CNTN5: variants seen among roughly 807,000 people sequenced by gnomAD.
CNTN5 encodes contactin 5, also known as contactin-5.
CNTN5 carries 77 observed loss-of-function variants against 129.1 expected under a neutral mutation model. The ratio of observed to expected loss-of-function variants is 0.60; its 90% CI spans 0.50 to 0.72. CNTN5 has a LOEUF of 0.72. Among genes scored for constraint, CNTN5 ranks in the 30% least tolerant of loss-of-function variants. CNTN5 has a pLI of 0.00. For missense variants in CNTN5, 1,478 were observed against 1,328.8 expected (o/e 1.11, Z -1.75); for synonymous variants, 509 against 465.6 (o/e 1.09, Z -1.20).
At chr11:99,580,265 C>G (rs1472011909) in intron 3 of CNTN5, among the ~76,000 whole-genome samples, 1 of 152,140 alleles carries the variant, frequency 6.6e-6, no homozygotes, top group African/African-American at 2.4e-5. Context: ...CATCAATGTT[C>G]ATCAAAGATA....
At chr11:99,642,435 C>CT (rs369708542) in intron 3 of CNTN5, among the ~76,000 whole-genome samples, 5 of 152,116 alleles carry the variant, frequency 3.3e-5, no homozygotes, top group Admixed American at 2.0e-4. Flanking sequence ...CTGAATTAAG[C>CT]TTTTTTTATT....
intron 1 of CNTN5, among the ~76,000 whole-genome samples, chr11:99,313,728 A>G (rs986018728): frequency 1.3e-5 from 2 of 152,130 alleles, no homozygotes; most frequent in African/African-American, 4.8e-5. Context: ...TTAAAATTCT[A>G]TTTAACAAAC....
At chr11:100,031,611 G>A (rs887365130) in intron 9 of CNTN5, among the ~76,000 whole-genome samples, 1 of 152,134 alleles carries the variant, frequency 6.6e-6, no homozygotes, top group Non-Finnish European at 1.5e-5. Context: ...TTCACGTCCT[G>A]TTTCTATGGA....
intron 2 of CNTN5, among the ~76,000 whole-genome samples, chr11:99,374,281 T>G (rs965480573): frequency 3.3e-5 from 5 of 152,180 alleles, no homozygotes; most frequent in African/African-American, 1.2e-4. Flanking sequence ...AATTTAAAAA[T>G]AAAATAAAGT....
In CNTN5 at chr11:99,156,420, G is replaced by T. The variant is rs570256532; in HGVS notation, c.-210+135150G>T. On this transcript the variant is annotated intron_variant, in intron 1 of 24. Transcript: ENST00000524871. ...TTAATTATCACTCATTTTAAAGAAG[G>T]TGCACAGATAACTGGCATTCTTATG... is the stretch of plus-strand genomic sequence containing the variant. Among the ~76,000 whole-genome samples, 7 of 152,030 alleles carry T rather than the reference G, an allele frequency of 4.6e-5. No homozygotes were observed. The South Asian group carries it at 1.5e-3, about 32-fold the overall frequency.
chr11:99,432,445 CTTTTCTTTTCTTTTCTTTCCTTT>C, intron 2 of CNTN5, among the ~76,000 whole-genome samples: 1 of 140,022 alleles, frequency 7.1e-6, no homozygotes. Flanking sequence ...CTTTCCTTTT[CTTTTCTTTTCTTTTCTTTCCTTT>C]TCTTTTCTTT....
chr11:99,695,780 C>A (rs1312362204), intron 3 of CNTN5, among the ~76,000 whole-genome samples: 1 of 151,856 alleles, frequency 6.6e-6, no homozygotes, highest in East Asian at 1.9e-4. Flanking sequence ...AAGCTGACAA[C>A]CTGAGTTCAA....
intron 1 of CNTN5, among the ~76,000 whole-genome samples, chr11:99,101,548 A>G (rs759017243): frequency 6.6e-6 from 1 of 152,166 alleles, no homozygotes; most frequent in Admixed American, 6.5e-5. Flanking sequence ...AGCTGTCCCA[A>G]ATGAGAGAAA....
intron 1 of CNTN5, among the ~76,000 whole-genome samples, chr11:99,025,960 A>G (rs978868654): frequency 6.6e-6 from 1 of 151,728 alleles, no homozygotes; most frequent in Admixed American, 6.6e-5. Flanking sequence ...TTTCAGTTAC[A>G]TGCAAGAACT....
chr11:99,414,003 A>G (rs1437297679), intron 2 of CNTN5, among the ~76,000 whole-genome samples: 3 of 152,224 alleles, frequency 2.0e-5, no homozygotes, highest in Non-Finnish European at 2.9e-5. Context: ...AATTTAATAC[A>G]GATAACTAGA....
Position 99,523,649 on chromosome 11 carries a change from TAGAACAGAACAGATCAGAAC to T in CNTN5, c.-70-32482_-70-32463del, listed in dbSNP as rs1336678644. Among the ~76,000 whole-genome samples the T allele has an allele frequency of 2.2e-3, 252 of 116,552 alleles. 2 individuals are homozygous for T. The highest frequency in any genetic ancestry group is 8.5e-3 in the African/African-American group (238 of 28,080). The allele number at this position is 116,552 out of a possible 152,430, so 76.5% of individuals were successfully genotyped here. On this transcript the variant is annotated intron_variant, in intron 2 of 24. Transcript: ENST00000524871. ...TAGAATAGAATAGAATAGAATAGAA[TAGAACAGAACAGATCAGAAC>T]AGAACAGAACAGAACAGAACAGAAC...
intron 2 of CNTN5, among the ~76,000 whole-genome samples, chr11:99,453,702 T>A (rs1427255896): frequency 1.3e-5 from 2 of 152,196 alleles, no homozygotes; most frequent in African/African-American, 4.8e-5. Flanking sequence ...ACTGAGTTTG[T>A]GTCCTTAGGT....
chr11:99,773,457 A>T (rs1324619705), intron 3 of CNTN5, among the ~76,000 whole-genome samples: 1 of 152,014 alleles, frequency 6.6e-6, no homozygotes, highest in Non-Finnish European at 1.5e-5. Context: ...GGACATTATC[A>T]CAGTCTTTGG....
intron 18 of CNTN5, among the ~76,000 whole-genome samples, chr11:100,286,175 G>C (rs1291192171): frequency 1.3e-5 from 2 of 152,140 alleles, no homozygotes; most frequent in Non-Finnish European, 2.9e-5. Context: ...AGCCAGGCTG[G>C]GGGAGGGGCG....
intron 3 of CNTN5, among the ~76,000 whole-genome samples, chr11:99,737,350 G>A (rs1379204667): frequency 1.3e-5 from 2 of 152,048 alleles, no homozygotes; most frequent in African/African-American, 4.8e-5. Context: ...GTCCAAGGTG[G>A]AATACAAGTG....
intron 2 of CNTN5, among the ~76,000 whole-genome samples, chr11:99,375,020 A>AG (rs1187296372): frequency 6.6e-6 from 1 of 152,150 alleles, no homozygotes; most frequent in Non-Finnish European, 1.5e-5. Context: ...ATGGAGAGCT[A>AG]GGCCGGGCGT....
intron 3 of CNTN5, among the ~76,000 whole-genome samples, chr11:99,721,037 C>G (rs987719647): frequency 1.6e-4 from 24 of 152,210 alleles, no homozygotes; most frequent in African/African-American, 5.8e-4. Context: ...AAGGAATAAT[C>G]AGTATCATTA....
intron 3 of CNTN5, among the ~76,000 whole-genome samples, chr11:99,596,266 T>C (rs566657053): frequency 6.6e-6 from 1 of 152,234 alleles, no homozygotes; most frequent in Admixed American, 6.5e-5. Flanking sequence ...AAGATATGAG[T>C]TTAAGTAACC....
chr11:99,768,835 A>C (rs1340967843), intron 3 of CNTN5, among the ~76,000 whole-genome samples: 1 of 152,098 alleles, frequency 6.6e-6, no homozygotes, highest in Non-Finnish European at 1.5e-5. Flanking sequence ...GATAAGTAGT[A>C]ATGTCCAGTG....
Sources: allele counts gnomAD v4.1 joint callset (sites outside exome capture counted in the v4.1 genomes callset), GRCh38; gene constraint gnomAD v4.1.1; transcripts MANE v1.5; gene names NCBI Gene and HGNC (gene_info 2026-07-23, HGNC 2026-07-21).